LY75: variants seen among roughly 807,000 people sequenced by gnomAD.
The protein encoded by LY75 is lymphocyte antigen 75.
LY75 carries 185 observed loss-of-function variants against 231.7 expected under a neutral mutation model. That is an observed-to-expected ratio of 0.80 (90% CI 0.71 to 0.90). The LOEUF (loss-of-function observed/expected upper bound fraction) is 0.90, where lower values mean the gene tolerates loss of function less well. LY75 is among the 40% of genes least tolerant of loss of function. The probability of loss-of-function intolerance (pLI) is 0.00; values close to 1 mark genes in which losing one functional copy is unlikely to be tolerated. For synonymous variants in LY75, 668 were observed against 689.0 expected, an observed-to-expected ratio of 0.97 and a Z score of 0.48; for missense variants, 1,947 against 2,050.2, an observed-to-expected ratio of 0.95 and a Z score of 0.97.
At position 159,858,469 on chromosome 2, in the gene LY75, T is replaced by C. The variant is rs752249907; in HGVS notation, c.2276A>G (p.His759Arg). 6.2e-7 allele frequency: 1 copy of C among 1,611,304 alleles called. No individual in the cohort carries two copies. Among genetic ancestry groups the C allele is most frequent in the Non-Finnish European group, 8.5e-7 (1 of 1,179,140 alleles). The change falls in exon 16 of 35, where the codon CAT (histidine) becomes CGT (arginine). Residue 759 changes from histidine to arginine, a missense_variant. Physicochemically the swap from His to Arg is conservative, Grantham distance 29. Coordinates refer to ENST00000263636, the MANE Select transcript of LY75 (RefSeq NM_002349.4). Reference sequence around the variant, plus strand: ...ATGCCAGCCTCTTCGCCATGGCCTATGAAATACCTATAAGAGGAAAAGTAT... The same window carrying C: ...ATGCCAGCCTCTTCGCCATGGCCTACGAAATACCTATAAGAGGAAAAGTAT... ...IRDCAAVKVF[H>R]RPWRRGWHFY...
chr2:159,825,399 C>T (rs1448895559), intron 28 of LY75, among the ~76,000 whole-genome samples: 1 of 152,160 alleles, frequency 6.6e-6, no homozygotes, highest in Non-Finnish European at 1.5e-5. Flanking sequence ...CCTCCCAAGT[C>T]TAAACCAGGA....
At chr2:159,807,955 C>A in intron 33 of LY75, 1 of 945,576 alleles carries the variant, frequency 1.1e-6, no homozygotes. Flanking sequence ...TTCACACCAA[C>A]CTAACACTAA....
chr2:159,816,756 C>T (rs376002451), intron 30 of LY75, 50 bp downstream of exon 30: 176 of 1,600,818 alleles, frequency 1.1e-4, no homozygotes, highest in Non-Finnish European at 1.4e-4. Flanking sequence ...AATTTCTAAC[C>T]CTCAAAATAA....
intron 5 of LY75, among the ~76,000 whole-genome samples, chr2:159,886,155 G>T (rs950206423): frequency 6.6e-6 from 1 of 152,144 alleles, no homozygotes; most frequent in African/African-American, 2.4e-5. Flanking sequence ...TGGGCCATGT[G>T]GTGGAGCTCA....
intron 16 of LY75, among the ~76,000 whole-genome samples, chr2:159,855,876 A>G (rs1684536087): frequency 6.6e-6 from 1 of 152,192 alleles, no homozygotes; most frequent in African/African-American, 2.4e-5. Flanking sequence ...AGCTGGTCTT[A>G]ATTTTGGTGT....
chr2:159,859,933 C>G (rs962772485), intron 15 of LY75, among the ~76,000 whole-genome samples: 22 of 152,184 alleles, frequency 1.4e-4, no homozygotes, highest in Non-Finnish European at 7.4e-5. Flanking sequence ...ATTATTCTTT[C>G]ATAATATTCT....
chr2:159,819,662 G>A (rs1265842567), intron 29 of LY75, 64 bp downstream of exon 29: 2 of 1,514,826 alleles, frequency 1.3e-6, no homozygotes, highest in Admixed American at 4.3e-5. Context: ...TCCCACTGGT[G>A]GAACTAATAG....
intron 12 of LY75, among the ~76,000 whole-genome samples, chr2:159,873,735 AATATATACATTTT>A (rs1685089159): frequency 1.5e-5 from 2 of 130,990 alleles, no homozygotes; most frequent in Non-Finnish European, 3.1e-5. Flanking sequence ...AATACACATA[AATATATACATTTT>A]GTAAAAATAT....
At chr2:159,872,623 A>T (rs1397705) in intron 12 of LY75, 30 bp from the exon 13 acceptor site, 2 of 1,601,404 alleles carry the variant, frequency 1.2e-6, no homozygotes, top group Non-Finnish European at 1.7e-6. Context: ...AATTTGTTTT[A>T]TGGTATTATC....
intron 12 of LY75, among the ~76,000 whole-genome samples, chr2:159,874,886 T>A (rs1219565344): frequency 3.0e-5 from 4 of 135,336 alleles, no homozygotes; most frequent in East Asian, 2.0e-4. Flanking sequence ...ACATATATAT[T>A]TTGTAAATAT....
chr2:159,870,095 A>G (rs1360918202), intron 13 of LY75, among the ~76,000 whole-genome samples: 1 of 152,174 alleles, frequency 6.6e-6, no homozygotes, highest in Non-Finnish European at 1.5e-5. Context: ...TTTGCATTAG[A>G]TTCCCAGTAC....
chr2:159,878,721 C>T lies in LY75; in HGVS notation c.1516G>A (p.Gly506Ser), dbSNP rs1010234527. ...SSDKMCPPDE[G>S]WKRHGETCYK... ...CAGGTTTCTCCATGTCTCTTCCAGC[C>T]CTAAGTCAGAGGAAAAATATTGTCA... Residue 506 changes from glycine (G) to serine (S), a missense_variant and splice_region_variant, in exon 10 of 35, where the codon GGC (glycine) becomes AGC (serine). Physicochemically the swap from Gly to Ser is moderately conservative, Grantham distance 56. Coordinates refer to ENST00000263636, the MANE Select transcript of LY75 (RefSeq NM_002349.4). 8 of 1,613,670 alleles carry T rather than the reference C, an allele frequency of 5.0e-6. No individual in the cohort carries two copies. The African/African-American group carries it at 1.1e-4, about 22-fold the overall frequency.
intron 28 of LY75, among the ~76,000 whole-genome samples, chr2:159,820,713 T>C (rs1203478289): frequency 6.6e-6 from 1 of 152,236 alleles, no homozygotes; most frequent in Non-Finnish European, 1.5e-5. Flanking sequence ...TACATATACG[T>C]TTAATTGCAT....
intron 23 of LY75, among the ~76,000 whole-genome samples, chr2:159,844,831 T>G: frequency 6.7e-6 from 1 of 150,032 alleles, no homozygotes; most frequent in East Asian, 1.9e-4. Context: ...ATTTTAGATA[T>G]GGGGGCACAT....
chr2:159,855,757 C>T (rs972048025), intron 16 of LY75, among the ~76,000 whole-genome samples: 1 of 152,194 alleles, frequency 6.6e-6, no homozygotes, highest in Non-Finnish European at 1.5e-5. Flanking sequence ...AGGGAAGTTC[C>T]CCATGGGAGC....
intron 23 of LY75, 143 bp from the exon 24 acceptor site, chr2:159,842,517 T>C (rs1427612859): frequency 7.0e-6 from 8 of 1,137,408 alleles, no homozygotes; most frequent in African/African-American, 1.6e-5. Flanking sequence ...TCCTAGAAAA[T>C]CTTTAAAAAC....
intron 2 of LY75, among the ~76,000 whole-genome samples, chr2:159,896,191 G>T (rs1685905925): frequency 6.6e-6 from 1 of 152,180 alleles, no homozygotes; most frequent in Admixed American, 6.5e-5. Context: ...TCCTCTGCGT[G>T]ATTCACCAAA....
At chr2:159,825,692 C>T (rs1235339704) in intron 28 of LY75, among the ~76,000 whole-genome samples, 2 of 152,100 alleles carry the variant, frequency 1.3e-5, no homozygotes, top group African/African-American at 4.8e-5. Context: ...TGATGAACAT[C>T]GATGCAAAAA....
At chr2:159,879,162 C>G (rs1434756787) in intron 9 of LY75, 97 bp downstream of exon 9, 7 of 1,358,962 alleles carry the variant, frequency 5.2e-6, no homozygotes, top group Non-Finnish European at 7.0e-6. Flanking sequence ...GTAGTTTCCT[C>G]TATTTTATAA....
Sources: gnomAD v4.1 joint callset for allele counts (sites outside exome capture counted in the v4.1 genomes callset) on GRCh38, gnomAD v4.1.1 for gene constraint, MANE v1.5 for transcripts, NCBI Gene and HGNC (gene_info 2026-07-23, HGNC 2026-07-21) for gene names.